ENTPD6: variants seen among roughly 807,000 people sequenced by gnomAD.
ENTPD6 encodes the protein ectonucleoside triphosphate diphosphohydrolase 6, also known as CD39 antigen-like 2.
Under a neutral mutation model 61.5 loss-of-function variants are expected in ENTPD6, and 46 were observed. The ratio of observed to expected loss-of-function variants is 0.75; its 90% CI spans 0.59 to 0.96. The LOEUF (loss-of-function observed/expected upper bound fraction) is 0.96. ENTPD6 is among the 40% of genes least tolerant of loss of function. The probability of loss-of-function intolerance (pLI) is 0.00; values close to 1 mark genes in which losing one functional copy is unlikely to be tolerated. For synonymous variants in ENTPD6, 252 were observed against 255.5 expected, an observed-to-expected ratio of 0.99 and a Z score of 0.13; for missense variants, 612 against 629.0, an observed-to-expected ratio of 0.97 and a Z score of 0.29.
chr20:25,208,529 A>G (rs2091694708), intron 3 of ENTPD6, among the ~76,000 whole-genome samples: 1 of 152,224 alleles, frequency 6.6e-6, no homozygotes, highest in Non-Finnish European at 1.5e-5. Flanking sequence ...TGCAACAGAC[A>G]TCAGCCTGCG....
intron 3 of ENTPD6, among the ~76,000 whole-genome samples, chr20:25,208,739 C>T (rs2091711674): frequency 6.6e-6 from 1 of 152,124 alleles, no homozygotes; most frequent in Non-Finnish European, 1.5e-5. Flanking sequence ...ATCTTGAGAA[C>T]CCTTTAATAA....
chr20:25,218,114 A>G (rs1201638188), intron 9 of ENTPD6, among the ~76,000 whole-genome samples: 1 of 151,838 alleles, frequency 6.6e-6, no homozygotes, highest in Non-Finnish European at 1.5e-5. Flanking sequence ...TAATGTGTCT[A>G]CAGTATACGC....
At chr20:25,221,663 C>T in intron 11 of ENTPD6, 1 of 404,304 alleles carries the variant, frequency 2.5e-6, no homozygotes, top group South Asian at 2.1e-5. Context: ...GGAGCCCAGG[C>T]ACTCTGTGCT....
intron 13 of ENTPD6, 50 bp from the exon 14 acceptor site, chr20:25,225,155 C>T (rs756363432): frequency 5.1e-6 from 8 of 1,574,026 alleles, no homozygotes; most frequent in Non-Finnish European, 6.9e-6. Context: ...TGCCCCTCCG[C>T]CCCCAGGTGG....
At chr20:25,204,706 T>TTGCAGAA (rs2091319723) in intron 1 of ENTPD6, among the ~76,000 whole-genome samples, 2 of 152,098 alleles carry the variant, frequency 1.3e-5, no homozygotes, top group Non-Finnish European at 2.9e-5. Flanking sequence ...CAAGACAGAT[T>TTGCAGAA]AGGATGTTGC....
At chr20:25,209,255 G>A (rs1459394304) in intron 3 of ENTPD6, among the ~76,000 whole-genome samples, 3 of 151,906 alleles carry the variant, frequency 2.0e-5, no homozygotes, top group Admixed American at 6.6e-5. Context: ...GACTACAGGC[G>A]CCCGCCACCA....
chr20:25,202,620 A>T (rs927320416), intron 1 of ENTPD6, among the ~76,000 whole-genome samples: 1 of 152,220 alleles, frequency 6.6e-6, no homozygotes, highest in African/African-American at 2.4e-5. Context: ...ATCTATTTTA[A>T]ATTGATATCA....
At chr20:25,214,571 T>G (rs1190151142) in intron 5 of ENTPD6, 1 of 344,780 alleles carries the variant, frequency 2.9e-6, no homozygotes, top group Admixed American at 4.2e-5. Flanking sequence ...GGCGGTGGAT[T>G]AACTTGCAAT....
intron 3 of ENTPD6, among the ~76,000 whole-genome samples, chr20:25,208,051 C>G (rs1310004852): frequency 2.0e-5 from 3 of 152,232 alleles, no homozygotes; most frequent in Admixed American, 1.3e-4. Context: ...CTCCATGTCT[C>G]TCTAGCTGTA....
chr20:25,217,406 C>T lies in ENTPD6; in HGVS notation c.799-96C>T, dbSNP rs186205709. On this transcript the variant is annotated intron_variant, in intron 8 of 14. Coordinates refer to ENST00000376652, the MANE Select transcript of ENTPD6 (RefSeq NM_001247.5). Reference sequence around the variant, plus strand: ...TGAACAGCTCATTTAATTGGCTGCACCTGACCATCCCCTTTCTTTCAAATG... The same window carrying T: ...TGAACAGCTCATTTAATTGGCTGCATCTGACCATCCCCTTTCTTTCAAATG... 213 of 1,197,268 alleles carry T rather than the reference C, an allele frequency of 1.8e-4. 1 individual carries two copies. The highest frequency in any genetic ancestry group is 3.8e-4 in the Middle Eastern group (2 of 5,210). The allele number at this position is 1,197,268 out of a possible 1,614,324, so 74.2% of individuals were successfully genotyped here. A position where few individuals can be genotyped will look rare whatever the true frequency, so the allele number is the denominator to read the frequency against.
intron 1 of ENTPD6, among the ~76,000 whole-genome samples, chr20:25,198,519 A>G (rs2387733): frequency 0.26 from 39,341 of 152,042 alleles, 6,335 homozygotes; most frequent in East Asian, 0.61. Context: ...AGAGGATTTT[A>G]TTAAACGTAT....
chr20:25,221,171 A>G (rs1404259495), intron 10 of ENTPD6, 61 bp from the exon 11 acceptor site: 29 of 1,364,254 alleles, frequency 2.1e-5, no homozygotes, highest in Non-Finnish European at 2.9e-5. Flanking sequence ...CTCCTAGCTC[A>G]GCCCTAGTCC....
chr20:25,213,298 T>C lies in ENTPD6; in HGVS notation c.489T>C (p.Ala163=), dbSNP rs781188459. Residue 163 remains alanine, a synonymous_variant, in exon 5 of 15, where the codon GCT becomes GCC. Coordinates refer to ENST00000376652, the MANE Select transcript of ENTPD6 (RefSeq NM_001247.5). The stretch of plus-strand genomic sequence containing the variant: ...GAATCCGGGAACTACTGGATGTTGC[T>C]AAACAGGACATTCCGTTCGACTTCT... ...AQGIRELLDV[A]KQDIPFDFWK... is the part of the protein sequence containing the mutation. The C allele has an allele frequency of 1.9e-6, 3 of 1,614,152 alleles. No individual in the cohort carries two copies. Among genetic ancestry groups the C allele is most frequent in the Non-Finnish European group, 1.7e-6 (2 of 1,180,050 alleles).
At chr20:25,218,668 C>T (rs1226046569) in intron 10 of ENTPD6, 54 bp downstream of exon 10, 1 of 1,514,392 alleles carries the variant, frequency 6.6e-7, no homozygotes. Context: ...CCTCCATTCT[C>T]AGTGGGAACG....
At chr20:25,222,646 C>T (rs1467396791) in intron 11 of ENTPD6, 192 bp from the exon 12 acceptor site, 2 of 626,222 alleles carry the variant, frequency 3.2e-6, no homozygotes, top group African/African-American at 3.7e-5. Context: ...CAACAATGCC[C>T]TGGCTCCTGA....
rs200252705 is a variant in ENTPD6, at chr20:25,207,424, C to A, written c.376+27C>A. ...TACCCGCCTCTCATGGCAGGGCTCT[C>A]GGGATCTCCTCCCCTGTGCTACAGT... On this transcript the variant is annotated intron_variant, in intron 3 of 14. Transcript: ENST00000376652. 8.4e-5 allele frequency: 126 copies of A among 1,507,248 alleles called. No individual in the cohort carries two copies. In the African/African-American group the frequency reaches 1.5e-3, roughly 18 times the overall value. 93.4% of individuals were successfully genotyped at this position (1,507,248 alleles called of 1,614,324 possible).
rs142408005 is a variant in ENTPD6, at chr20:25,199,329, G to T, written c.-16+3462G>T. On this transcript the variant is annotated intron_variant, in intron 1 of 14. Coordinates refer to ENST00000376652, the MANE Select transcript of ENTPD6 (RefSeq NM_001247.5). ...GTCTCCTTCGTTGAGAGAGTAGGGC[G>T]TGAGTGTGATCAGAATTGTAAAACG... is the stretch of plus-strand genomic sequence containing the variant. Among the ~76,000 whole-genome samples, 25 of 152,284 alleles carry T rather than the reference G, an allele frequency of 1.6e-4. No homozygotes were observed. The East Asian group carries it at 4.1e-3, about 25-fold the overall frequency.
intron 12 of ENTPD6, 35 bp from the exon 13 acceptor site, chr20:25,224,066 G>A (rs1420914784): frequency 1.2e-6 from 2 of 1,602,520 alleles, no homozygotes. Context: ...CAACCTCACA[G>A]TGCTCCTGCA....
intron 6 of ENTPD6, among the ~76,000 whole-genome samples, chr20:25,215,350 G>T (rs1043620541): frequency 1.3e-5 from 2 of 152,230 alleles, no homozygotes; most frequent in Non-Finnish European, 2.9e-5. Flanking sequence ...GACCTTGAGA[G>T]TGAGTGTGTA....
Sources: allele counts gnomAD v4.1 joint callset (sites outside exome capture counted in the v4.1 genomes callset), GRCh38; gene constraint gnomAD v4.1.1; transcripts MANE v1.5; gene names NCBI Gene and HGNC (gene_info 2026-07-23, HGNC 2026-07-21).